The following TENM4 variants were observed in gnomAD, a reference collection of about 807,000 sequenced individuals.
TENM4 encodes the protein teneurin-4.
TENM4 carries 82 observed loss-of-function variants against 243.3 expected under a neutral mutation model. That is an observed-to-expected ratio of 0.34 (90% CI 0.28 to 0.40). TENM4 has a LOEUF of 0.40. Among genes scored for constraint, TENM4 ranks in the 10% least tolerant of loss-of-function variants. TENM4 has a pLI of 1.00. For missense variants in TENM4, 3,138 were observed against 3,673.3 expected, an observed-to-expected ratio of 0.85 and a Z score of 3.77; for synonymous variants, 1,412 against 1,456.3, an observed-to-expected ratio of 0.97 and a Z score of 0.69.
chr11:79,049,976 T>C (rs1293913837), intron 6 of TENM4, among the ~76,000 whole-genome samples: 1 of 152,230 alleles, frequency 6.6e-6, no homozygotes, highest in Non-Finnish European at 1.5e-5. Flanking sequence ...GTAACAAATA[T>C]TGTGAGCCCC....
At chr11:79,205,634 T>C (rs543640977) in intron 3 of TENM4, among the ~76,000 whole-genome samples, 24 of 152,358 alleles carry the variant, frequency 1.6e-4, no homozygotes, top group South Asian at 1.0e-3. Context: ...CAAATTGTTA[T>C]ACATAAGACA....
intron 17 of TENM4, among the ~76,000 whole-genome samples, chr11:78,771,853 G>T (rs1268552288): frequency 6.6e-6 from 1 of 152,160 alleles, no homozygotes; most frequent in East Asian, 1.9e-4. Flanking sequence ...GTACAGCCAG[G>T]CTGCTCTGCT....
chr11:78,659,068 T>C (rs1231734886), intron 33 of TENM4, among the ~76,000 whole-genome samples: 1 of 152,172 alleles, frequency 6.6e-6, no homozygotes, highest in Non-Finnish European at 1.5e-5. Flanking sequence ...TGCCAGGTCG[T>C]TTTGTGAGCA....
At chr11:79,026,704 G>A (rs1859089409) in intron 6 of TENM4, among the ~76,000 whole-genome samples, 1 of 152,212 alleles carries the variant, frequency 6.6e-6, no homozygotes, top group African/African-American at 2.4e-5. Flanking sequence ...GCTTCGCAGA[G>A]AAGGGATTCA....
intron 4 of TENM4, among the ~76,000 whole-genome samples, chr11:79,134,073 G>T (rs932708645): frequency 2.0e-5 from 3 of 152,114 alleles, no homozygotes; most frequent in African/African-American, 4.8e-5. Flanking sequence ...GTTTGCTGAA[G>T]ATATGATTGT....
At chr11:78,770,906 G>T in intron 18 of TENM4, 86 bp downstream of exon 18, 1 of 1,500,084 alleles carries the variant, frequency 6.7e-7, no homozygotes. Flanking sequence ...TGTGTTGGTG[G>T]CCTGTTAGCT....
intron 12 of TENM4, among the ~76,000 whole-genome samples, chr11:78,830,993 C>T (rs912651322): frequency 2.0e-5 from 3 of 152,190 alleles, no homozygotes; most frequent in African/African-American, 7.2e-5. Context: ...CTGTGATAAA[C>T]CCATTAAACT....
chr11:78,960,641 C>T (rs1198307451), intron 6 of TENM4, among the ~76,000 whole-genome samples: 3 of 152,184 alleles, frequency 2.0e-5, no homozygotes, highest in Admixed American at 6.5e-5. Flanking sequence ...TCTGGCACAC[C>T]TCACTAATTT....
At chr11:78,812,441 C>G in intron 13 of TENM4, 125 bp from the exon 14 acceptor site, 1 of 1,063,374 alleles carries the variant, frequency 9.4e-7, no homozygotes, top group Non-Finnish European at 1.4e-6. Context: ...CACAAACACC[C>G]ATGTGTGCCC....
intron 1 of TENM4, among the ~76,000 whole-genome samples, chr11:79,397,204 G>A (rs1474744391): frequency 6.6e-6 from 1 of 152,194 alleles, no homozygotes; most frequent in Non-Finnish European, 1.5e-5. Flanking sequence ...GAAAATTCAT[G>A]GTAGCCCACT....
chr11:78,732,525 C>T lies in TENM4; in HGVS notation c.2929G>A (p.Ala977Thr). 1.9e-6 allele frequency: 3 copies of T among 1,612,720 alleles called. No individual in the cohort carries two copies. The highest frequency in any genetic ancestry group is 2.5e-6 in the Non-Finnish European group (3 of 1,179,206). ...GISIILRFER[A>T]PFITQEHTLW... ...GTGTGCTCCTGTGTGATGAAAGGTG[C>T]CCGCTCGAACCGCAGGATGATGGAG... Residue 977 changes from alanine to threonine, a missense_variant, in exon 21 of 34, where the codon GCA (alanine) becomes ACA (threonine). Coordinates refer to ENST00000278550, the MANE Select transcript of TENM4 (RefSeq NM_001098816.3).
chr11:79,193,486 C>T (rs116600145), intron 3 of TENM4, among the ~76,000 whole-genome samples: 1,677 of 152,300 alleles, frequency 0.011, 27 homozygotes, highest in African/African-American at 0.038. Flanking sequence ...AATCAGGAGA[C>T]AAAGCTTGTG....
At chr11:78,984,452 C>T (rs924898871) in intron 6 of TENM4, among the ~76,000 whole-genome samples, 2 of 152,140 alleles carry the variant, frequency 1.3e-5, no homozygotes, top group Non-Finnish European at 2.9e-5. Flanking sequence ...ATCAGAGTCC[C>T]ACTGGTGAAC....
intron 32 of TENM4, among the ~76,000 whole-genome samples, chr11:78,663,845 T>C (rs1858087022): frequency 6.6e-6 from 1 of 152,202 alleles, no homozygotes; most frequent in Admixed American, 6.5e-5. Flanking sequence ...CTGGGTTCCA[T>C]GTTACCATCC....
At chr11:79,329,292 T>C (rs1857023497) in intron 1 of TENM4, among the ~76,000 whole-genome samples, 1 of 152,222 alleles carries the variant, frequency 6.6e-6, no homozygotes, top group South Asian at 2.1e-4. Context: ...TCTTTAAGGA[T>C]TCAAAGAGAC....
intron 6 of TENM4, among the ~76,000 whole-genome samples, chr11:79,007,891 C>T (rs1858534231): frequency 6.6e-6 from 1 of 152,160 alleles, no homozygotes; most frequent in African/African-American, 2.4e-5. Context: ...CAGTTCTGCC[C>T]TGGATCCCTG....
intron 1 of TENM4, among the ~76,000 whole-genome samples, chr11:79,362,097 A>G (rs1376040983): frequency 6.6e-6 from 1 of 152,212 alleles, no homozygotes; most frequent in African/African-American, 2.4e-5. Context: ...CAATTGAGAG[A>G]TGAAGAAATA....
chr11:79,173,790 G>C (rs1368907381), intron 3 of TENM4, among the ~76,000 whole-genome samples: 1 of 152,128 alleles, frequency 6.6e-6, no homozygotes, highest in African/African-American at 2.4e-5. Flanking sequence ...TGCAGTTGCC[G>C]CCTGAGCAAG....
At position 78,669,520 on chromosome 11, in the gene TENM4, G is replaced by T. The variant is rs746689156; in HGVS notation, c.6825C>A (p.Gly2275=). 1 of 1,613,920 alleles carries T rather than the reference G, an allele frequency of 6.2e-7. No homozygotes were observed. Among genetic ancestry groups the T allele is most frequent in the Non-Finnish European group, 8.5e-7 (1 of 1,179,902 alleles). ...GGDIFEYNSA[G]LLIKAYNRAG... is the part of the protein sequence containing the mutation. ...CCCGGTTGTAGGCCTTGATGAGCAG[G>T]CCAGCTGAGTTGTACTCAAAGATAT... The change falls in exon 32 of 34, where the codon GGC becomes GGA. Residue 2275 remains glycine, a synonymous_variant. Transcript: ENST00000278550. This position sits in a 1 kb window ranked among gnomAD's most constrained non-coding sequence, Gnocchi z 6.4.
Sources: allele counts gnomAD v4.1 joint callset (sites outside exome capture counted in the v4.1 genomes callset), GRCh38; gene constraint gnomAD v4.1.1; non-coding constraint Gnocchi (gnomAD v3.1); transcripts MANE v1.5; gene names NCBI Gene and HGNC (gene_info 2026-07-23, HGNC 2026-07-21).